Variants in DLGAP2 observed in about 807,000 individuals in gnomAD.
DLGAP2 encodes disks large-associated protein 2.
Under a neutral mutation model 100.3 loss-of-function variants are expected in DLGAP2, and 26 were observed. That is an observed-to-expected ratio of 0.26 (90% CI 0.19 to 0.36). The LOEUF is 0.36. Among genes scored for constraint, DLGAP2 ranks in the 10% least tolerant of loss-of-function variants. The pLI is 1.00. For missense variants in DLGAP2, 1,858 were observed against 1,453.2 expected, an observed-to-expected ratio of 1.28 and a Z score of -4.53; for synonymous variants, 886 against 630.1, an observed-to-expected ratio of 1.41 and a Z score of -6.08.
At chr8:1,637,569 A>G (rs1684739311) in intron 8 of DLGAP2, among the ~76,000 whole-genome samples, 1 of 152,178 alleles carries the variant, frequency 6.6e-6, no homozygotes, top group South Asian at 2.1e-4. Flanking sequence ...AAAGTCACAC[A>G]TGATCACTTT....
At chr8:1,352,057 T>C (rs867408424) in intron 3 of DLGAP2, among the ~76,000 whole-genome samples, 72 of 51,196 alleles carry the variant, frequency 1.4e-3, no homozygotes, top group African/African-American at 4.0e-3. Context: ...CCTGAGTGTG[T>C]GTGGAACGGC....
At chr8:1,291,808 C>A (rs1457419411) in intron 3 of DLGAP2, among the ~76,000 whole-genome samples, 1 of 152,176 alleles carries the variant, frequency 6.6e-6, no homozygotes, top group Non-Finnish European at 1.5e-5. Flanking sequence ...AAATCCATCT[C>A]ACTGCCCTCC....
chr8:860,549 C>T (rs780938651), intron 1 of DLGAP2, among the ~76,000 whole-genome samples: 1 of 152,222 alleles, frequency 6.6e-6, no homozygotes, highest in Admixed American at 6.5e-5. Flanking sequence ...TCTGCATTTG[C>T]ATAACACTCA....
intron 2 of DLGAP2, among the ~76,000 whole-genome samples, chr8:969,587 A>C (rs1799965021): frequency 6.6e-6 from 1 of 152,044 alleles, no homozygotes; most frequent in Non-Finnish European, 1.5e-5. Flanking sequence ...TTACCAACAA[A>C]GATAATACAT....
intron 3 of DLGAP2, among the ~76,000 whole-genome samples, chr8:1,438,320 G>T (rs970560090): frequency 6.6e-6 from 1 of 152,140 alleles, no homozygotes; most frequent in South Asian, 2.1e-4. Context: ...CCATTACTGA[G>T]AATTAAAACC....
intron 1 of DLGAP2, among the ~76,000 whole-genome samples, chr8:880,070 C>A (rs1181649578): frequency 6.6e-6 from 1 of 152,180 alleles, no homozygotes; most frequent in African/African-American, 2.4e-5. Context: ...TGTCCTGCTG[C>A]TTCCAAATTC....
At chr8:1,642,379 G>A (rs1332807129) in intron 8 of DLGAP2, among the ~76,000 whole-genome samples, 6 of 11,442 alleles carry the variant, frequency 5.2e-4, no homozygotes, top group Non-Finnish European at 7.3e-4. Flanking sequence ...CGACCCCGCC[G>A]GCCCTCACCT....
intron 8 of DLGAP2, among the ~76,000 whole-genome samples, chr8:1,635,286 G>A (rs1484705436): frequency 6.6e-6 from 1 of 152,158 alleles, no homozygotes; most frequent in Non-Finnish European, 1.5e-5. Flanking sequence ...ACAAAATTAT[G>A]GAGGAAAACT....
chr8:748,932 A>C (rs1820720293), intron 1 of DLGAP2, among the ~76,000 whole-genome samples: 1 of 152,148 alleles, frequency 6.6e-6, no homozygotes, highest in South Asian at 2.1e-4. Context: ...TCTCACCTAC[A>C]ATCTATTTTG....
At position 1,521,242 on chromosome 8, in the gene DLGAP2, C is replaced by G. The variant is rs1217627555; in HGVS notation, c.172+19811C>G. Among the ~76,000 whole-genome samples the G allele has an allele frequency of 2.3e-5, 2 of 85,182 alleles. 1 individual carries two copies. The highest frequency in any genetic ancestry group is 4.9e-5 in the Non-Finnish European group (2 of 40,680). 55.9% of individuals were successfully genotyped at this position (85,182 alleles called of 152,430 possible). ...TGATATGGGGCATCTCTGGTTTGCA[C>G]ACTTGTTTTAATTTGGAATACTTGG... On this transcript the variant is annotated intron_variant, in intron 4 of 14. Transcript: ENST00000637795.
intron 3 of DLGAP2, among the ~76,000 whole-genome samples, chr8:1,359,299 A>T (rs1263274060): frequency 6.6e-6 from 1 of 152,238 alleles, no homozygotes; most frequent in East Asian, 1.9e-4. Context: ...CAGGCGGTCC[A>T]TGCGCCCTGG....
At position 935,329 on chromosome 8, in the gene DLGAP2, C is replaced by G. The variant is rs1799046605; in HGVS notation, c.73+27363C>G. Among the ~76,000 whole-genome samples, 3 of 152,174 alleles carry G rather than the reference C, an allele frequency of 2.0e-5. No homozygotes were observed. In the South Asian group the frequency reaches 6.2e-4, roughly 32 times the overall value. On this transcript the variant is annotated intron_variant, in intron 2 of 14. Coordinates refer to ENST00000637795, the MANE Select transcript of DLGAP2 (RefSeq NM_001346810.2). Reference sequence around the variant, plus strand: ...GCTGCCAACCACATGCGGTCGTGAGCCCAGGATGCCCGGCTCCTCAGTCCA... The same window carrying G: ...GCTGCCAACCACATGCGGTCGTGAGGCCAGGATGCCCGGCTCCTCAGTCCA...
At chr8:784,940 G>C (rs1821797012) in intron 1 of DLGAP2, among the ~76,000 whole-genome samples, 1 of 152,114 alleles carries the variant, frequency 6.6e-6, no homozygotes, top group Non-Finnish European at 1.5e-5. Context: ...GGGCACGGTG[G>C]CTCACGCCTG....
intron 2 of DLGAP2, among the ~76,000 whole-genome samples, chr8:983,776 G>A (rs964139104): frequency 6.6e-6 from 1 of 152,056 alleles, no homozygotes; most frequent in Non-Finnish European, 1.5e-5. Context: ...CCGAGTAGCT[G>A]GGACTATATA....
chr8:1,214,022 C>T (rs888424625), intron 2 of DLGAP2, among the ~76,000 whole-genome samples: 2 of 152,184 alleles, frequency 1.3e-5, no homozygotes, highest in Non-Finnish European at 2.9e-5. Flanking sequence ...GCTGTGGTCT[C>T]TGTGCCTCCC....
At chr8:1,386,587 G>A (rs894033934) in intron 3 of DLGAP2, among the ~76,000 whole-genome samples, 1 of 152,210 alleles carries the variant, frequency 6.6e-6, no homozygotes, top group Non-Finnish European at 1.5e-5. Context: ...GCCACACAGA[G>A]TCTCTGAGGC....
chr8:1,132,564 T>G (rs1390437962), intron 2 of DLGAP2, among the ~76,000 whole-genome samples: 1 of 152,238 alleles, frequency 6.6e-6, no homozygotes, highest in Non-Finnish European at 1.5e-5. Context: ...CACCTTGATA[T>G]AGAACTGAGC....
intron 2 of DLGAP2, among the ~76,000 whole-genome samples, chr8:1,095,991 A>AT (rs1393060455): frequency 2.0e-5 from 3 of 152,170 alleles, no homozygotes; most frequent in South Asian, 4.1e-4. Flanking sequence ...AAAATTAATG[A>AT]TTTTTTTAAG....
chr8:1,292,387 A>G (rs1334029154), intron 3 of DLGAP2, among the ~76,000 whole-genome samples: 1 of 152,190 alleles, frequency 6.6e-6, no homozygotes, highest in Non-Finnish European at 1.5e-5. Flanking sequence ...TCATCCTGCC[A>G]GTCAGGGAGA....
Sources: gnomAD v4.1 joint callset for allele counts (sites outside exome capture counted in the v4.1 genomes callset) on GRCh38, gnomAD v4.1.1 for gene constraint, MANE v1.5 for transcripts, NCBI Gene and HGNC (gene_info 2026-07-23, HGNC 2026-07-21) for gene names.